Variants in ZFHX3 observed in about 807,000 individuals in gnomAD.
ZFHX3 encodes zinc finger homeobox 3.
A neutral mutation model predicts 279.1 loss-of-function variants in ZFHX3; 42 were observed. The ratio of observed to expected loss-of-function variants is 0.15; its 90% confidence interval spans 0.12 to 0.19. The LOEUF (loss-of-function observed/expected upper bound fraction) is 0.19. Among genes scored for constraint, ZFHX3 ranks in the 10% least tolerant of loss-of-function variants. ZFHX3 has a pLI of 1.00. For synonymous variants in ZFHX3, 2,293 were observed against 1,957.8 expected, an observed-to-expected ratio of 1.17 and a Z score of -4.52; for missense variants, 4,981 against 4,754.0, an observed-to-expected ratio of 1.05 and a Z score of -1.40.
intron 8 of ZFHX3, among the ~76,000 whole-genome samples, chr16:73,073,871 A>C (rs1965853765): frequency 6.6e-6 from 1 of 152,198 alleles, no homozygotes; most frequent in Non-Finnish European, 1.5e-5. Flanking sequence ...GTGGCTTTTG[A>C]TTCCAAATAA....
chr16:73,105,895 C>G (rs1041722339), intron 7 of ZFHX3, among the ~76,000 whole-genome samples: 1 of 151,640 alleles, frequency 6.6e-6, no homozygotes. Context: ...TTTCTTTCAC[C>G]CCCGCATCTC....
chr16:72,950,464 C>G lies in ZFHX3; in HGVS notation c.3216+5G>C. ...GCGCCTGAGCCATAAGGAGCTGGGCCTTACCTTGTACAACTTCAGGCTGGC... is the reference window on the plus strand; with the variant it reads ...GCGCCTGAGCCATAAGGAGCTGGGCGTTACCTTGTACAACTTCAGGCTGGC... On this transcript the variant is annotated splice_donor_5th_base_variant and intron_variant, in intron 3 of 9. Coordinates refer to ENST00000268489, the MANE Select transcript of ZFHX3 (RefSeq NM_006885.4). The G allele has an allele frequency of 6.2e-7, 1 of 1,612,576 alleles. No homozygotes were observed. The highest frequency in any genetic ancestry group is 1.1e-5 in the South Asian group (1 of 91,010).
chr16:72,953,442 A>T (rs768093104), intron 2 of ZFHX3, among the ~76,000 whole-genome samples: 16 of 152,232 alleles, frequency 1.1e-4, no homozygotes, highest in Admixed American at 7.9e-4. Flanking sequence ...TCTGATGCCA[A>T]CCACCTGAAG....
rs371688051 is a variant in ZFHX3, at chr16:73,198,085, G to A, written c.-1103-54254C>T. Among the ~76,000 whole-genome samples, 36 of 151,708 alleles carry A rather than the reference G, an allele frequency of 2.4e-4. 3 individuals are homozygous for A. The highest frequency in any genetic ancestry group is 1.1e-3 in the Admixed American group (17 of 15,238). ...CCTGAGTAGCTGGGACTACAGGCGC[G>A]TGCTGCCATGACCGGCTAATTTTTT... On this transcript the variant is annotated intron_variant, in intron 5 of 17. Transcript: ENST00000641206.
chr16:73,218,360 G>A (rs1034678038), intron 5 of ZFHX3, among the ~76,000 whole-genome samples: 1 of 152,176 alleles, frequency 6.6e-6, no homozygotes, highest in Non-Finnish European at 1.5e-5. Context: ...CTTGGATAAG[G>A]AAACACAGGA....
At chr16:73,003,393 A>G (rs1170672659) in intron 1 of ZFHX3, among the ~76,000 whole-genome samples, 1 of 151,688 alleles carries the variant, frequency 6.6e-6, no homozygotes, top group Non-Finnish European at 1.5e-5. Context: ...ACAATCAAGG[A>G]TAATACATTT....
chr16:73,512,342 T>C (rs1414008832), intron 2 of ZFHX3, among the ~76,000 whole-genome samples: 3 of 148,198 alleles, frequency 2.0e-5, no homozygotes, highest in South Asian at 2.1e-4. Context: ...CAGCCACTCA[T>C]GAGGCTGAGG....
intron 2 of ZFHX3, among the ~76,000 whole-genome samples, chr16:73,581,659 CTTTTTTTTTTTTTTTTT>C (rs11286052): frequency 2.7e-5 from 2 of 73,428 alleles, no homozygotes; most frequent in South Asian, 4.2e-4. Flanking sequence ...TCGAATGTCT[CTTTTTTTTTTTTTTTTT>C]TTTTTTTTTT....
At chr16:73,423,903 C>G (rs370409829) in intron 3 of ZFHX3, among the ~76,000 whole-genome samples, 32 of 151,006 alleles carry the variant, frequency 2.1e-4, no homozygotes, top group East Asian at 9.8e-4. Flanking sequence ...GAAATTGATG[C>G]TTCCTTTGTA....
At chr16:73,440,476 C>A (rs1033883207) in intron 3 of ZFHX3, among the ~76,000 whole-genome samples, 2 of 152,176 alleles carry the variant, frequency 1.3e-5, no homozygotes, top group African/African-American at 4.8e-5. Context: ...ACCAATTAAC[C>A]ATTCCCATTT....
At chr16:73,310,895 A>G (rs1350021001) in intron 4 of ZFHX3, among the ~76,000 whole-genome samples, 1 of 152,200 alleles carries the variant, frequency 6.6e-6, no homozygotes. Context: ...TATACATGCA[A>G]TCCCAATTTT....
At chr16:73,189,326 T>C (rs757692637) in intron 5 of ZFHX3, among the ~76,000 whole-genome samples, 5 of 152,224 alleles carry the variant, frequency 3.3e-5, no homozygotes, top group Non-Finnish European at 7.3e-5. Context: ...AGAATTCTAA[T>C]CACGTGATCA....
At chr16:73,040,716 G>A (rs181331653) in intron 1 of ZFHX3, among the ~76,000 whole-genome samples, 2 of 152,340 alleles carry the variant, frequency 1.3e-5, no homozygotes, top group East Asian at 1.9e-4. Flanking sequence ...GGTAAGAAAC[G>A]AAAGGTAGCA....
chr16:72,971,994 T>A (rs779622478), intron 1 of ZFHX3, among the ~76,000 whole-genome samples: 2 of 149,090 alleles, frequency 1.3e-5, no homozygotes, highest in Non-Finnish European at 3.0e-5. Flanking sequence ...CAAGCGATTC[T>A]CCTGCCTCAG....
At chr16:73,084,749 T>C (rs1040379344) in intron 8 of ZFHX3, among the ~76,000 whole-genome samples, 4 of 152,010 alleles carry the variant, frequency 2.6e-5, no homozygotes, top group African/African-American at 9.7e-5. Context: ...CTCGATCTCC[T>C]GGCCTCGTGA....
intron 2 of ZFHX3, among the ~76,000 whole-genome samples, chr16:73,639,461 T>C (rs1567539740): frequency 6.6e-6 from 1 of 152,184 alleles, no homozygotes; most frequent in Non-Finnish European, 1.5e-5. Flanking sequence ...TGAAGAGATC[T>C]TTATTAACAT....
chr16:73,309,200 A>G (rs1179736602), intron 4 of ZFHX3, among the ~76,000 whole-genome samples: 2 of 152,052 alleles, frequency 1.3e-5, no homozygotes, highest in South Asian at 4.2e-4. Context: ...AGTACCCCAT[A>G]GTTGTTTTTT....
In ZFHX3 at chr16:73,129,607, C is replaced by T. The variant is rs28578487; in HGVS notation, c.-897+1361G>A. Among the ~76,000 whole-genome samples, 6 of 151,388 alleles carry T rather than the reference C, an allele frequency of 4.0e-5. No individual in the cohort carries two copies. In the South Asian group the frequency reaches 1.0e-3, roughly 26 times the overall value. ...TCAACGTATTGAGGTGTAGTGTGTG[C>T]GTGTGTGTGCATGCAGATGTGTGCG... On this transcript the variant is annotated intron_variant, in intron 7 of 17. Transcript: ENST00000641206.
intron 2 of ZFHX3, among the ~76,000 whole-genome samples, chr16:73,465,433 C>T (rs1278180703): frequency 2.6e-5 from 4 of 152,150 alleles, no homozygotes; most frequent in Non-Finnish European, 5.9e-5. Context: ...TCTCACATCC[C>T]GCCACCTCGA....
Sources: allele counts gnomAD v4.1 joint callset (sites outside exome capture counted in the v4.1 genomes callset), GRCh38; gene constraint gnomAD v4.1.1; transcripts MANE v1.5; gene names NCBI Gene and HGNC (gene_info 2026-07-23, HGNC 2026-07-21).